Variants in PCNX2 observed in about 807,000 individuals in gnomAD.
PCNX2 encodes the protein pecanex 2, also known as pecanex-like protein 2.
In PCNX2, 168 loss-of-function variants were observed where a neutral mutation model predicts 223.8. That is an observed-to-expected ratio of 0.75 (90% CI 0.66 to 0.85). PCNX2 has a LOEUF of 0.85. Ranked by LOEUF, PCNX2 falls within the 40% of genes least tolerant of loss-of-function variation. The pLI is 0.00. For missense variants in PCNX2, 2,507 were observed against 2,675.5 expected, an observed-to-expected ratio of 0.94 and a Z score of 1.39; for synonymous variants, 1,006 against 1,052.6, an observed-to-expected ratio of 0.96 and a Z score of 0.86.
At chr1:233,161,989 T>C (rs1186865318) in intron 17 of PCNX2, among the ~76,000 whole-genome samples, 4 of 148,388 alleles carry the variant, frequency 2.7e-5, no homozygotes, top group Admixed American at 6.8e-5. Context: ...TATATACATA[T>C]ATTTATATAT....
Position 233,179,049 on chromosome 1 carries a change from A to T in PCNX2, c.3176+17T>A. 1 of 1,602,268 alleles carries T rather than the reference A, an allele frequency of 6.2e-7. No individual in the cohort carries two copies. Among genetic ancestry groups the T allele is most frequent in the Non-Finnish European group, 8.5e-7 (1 of 1,170,756 alleles). ...CCCCAGCTCAGTGATGAGAGAGCACAGGCATAGACCACTCACATGAGTACA... is the reference window on the plus strand; with the variant it reads ...CCCCAGCTCAGTGATGAGAGAGCACTGGCATAGACCACTCACATGAGTACA... On this transcript the variant is annotated intron_variant, in intron 16 of 33. Coordinates refer to ENST00000258229, the MANE Select transcript of PCNX2 (RefSeq NM_014801.4).
At chr1:233,210,613 T>G (rs571955595) in intron 12 of PCNX2, 5 of 985,274 alleles carry the variant, frequency 5.1e-6, no homozygotes, top group Non-Finnish European at 4.8e-6. Context: ...TGAGAACACC[T>G]GTTAATAAAA....
At chr1:233,144,970 CTT>C (rs71173253) in intron 19 of PCNX2, among the ~76,000 whole-genome samples, 21,670 of 113,522 alleles carry the variant, frequency 0.19, 1,761 homozygotes, top group East Asian at 0.32. Flanking sequence ...TTTTTTGTTT[CTT>C]TTTTTTTTTT....
chr1:233,040,882 T>A (rs1671621894), intron 25 of PCNX2, among the ~76,000 whole-genome samples: 1 of 152,204 alleles, frequency 6.6e-6, no homozygotes, highest in South Asian at 2.1e-4. Context: ...TTGCTTTCCC[T>A]CTAAAGATAT....
intron 9 of PCNX2, among the ~76,000 whole-genome samples, chr1:233,235,119 A>G (rs1017084083): frequency 3.3e-5 from 5 of 152,120 alleles, no homozygotes; most frequent in African/African-American, 1.2e-4. Context: ...CCACAGGTTT[A>G]GGAATCCTAT....
the PCNX2 span, among the ~76,000 whole-genome samples, chr1:233,303,435 A>C: frequency 6.6e-6 from 1 of 152,134 alleles, no homozygotes; most frequent in Non-Finnish European, 1.5e-5. Context: ...AGATCCTTTG[A>C]GCAGGAGAGG....
At chr1:233,178,996 T>G in intron 16 of PCNX2, 70 bp downstream of exon 16, 1 of 1,376,554 alleles carries the variant, frequency 7.3e-7, no homozygotes, top group Non-Finnish European at 1.0e-6. Context: ...CCCATCTCAG[T>G]CAGGGCACAA....
intron 8 of PCNX2, among the ~76,000 whole-genome samples, chr1:233,247,293 C>T (rs1395370015): frequency 6.6e-6 from 1 of 152,148 alleles, no homozygotes; most frequent in Non-Finnish European, 1.5e-5. Context: ...GTCCTGTGAC[C>T]AAATGGGCTG....
At chr1:233,254,615 A>C (rs1159365310) in intron 5 of PCNX2, among the ~76,000 whole-genome samples, 1 of 152,148 alleles carries the variant, frequency 6.6e-6, no homozygotes, top group African/African-American at 2.4e-5. Context: ...AAAAACTTTG[A>C]ATCACTCTTA....
At chr1:233,184,697 C>A (rs190972547) in intron 15 of PCNX2, among the ~76,000 whole-genome samples, 2 of 152,198 alleles carry the variant, frequency 1.3e-5, no homozygotes, top group East Asian at 1.9e-4. Context: ...CATATGATTT[C>A]TTTTAAGGAT....
At chr1:233,064,692 G>A (rs1379570527) in intron 23 of PCNX2, among the ~76,000 whole-genome samples, 2 of 151,896 alleles carry the variant, frequency 1.3e-5, no homozygotes, top group African/African-American at 4.8e-5. Context: ...CTAGCCCTTG[G>A]GAATTTTCCA....
intron 15 of PCNX2, among the ~76,000 whole-genome samples, chr1:233,179,880 G>C (rs1206720336): frequency 6.6e-6 from 1 of 152,168 alleles, no homozygotes; most frequent in Non-Finnish European, 1.5e-5. Flanking sequence ...CTTCTTCTTT[G>C]TTCTCCCTTG....
chr1:233,078,123 A>C (rs542464645), intron 23 of PCNX2, among the ~76,000 whole-genome samples: 1 of 152,358 alleles, frequency 6.6e-6, no homozygotes, highest in East Asian at 1.9e-4. Context: ...AAGATTAAAC[A>C]AGCACATGGC....
intron 21 of PCNX2, among the ~76,000 whole-genome samples, chr1:233,124,301 GTTAGT>G (rs764413230): frequency 6.6e-4 from 100 of 152,244 alleles, no homozygotes; most frequent in Non-Finnish European, 1.2e-3. Context: ...TATTATGGGG[GTTAGT>G]CTTATCCAGC....
intron 8 of PCNX2, among the ~76,000 whole-genome samples, chr1:233,244,167 A>G (rs538158012): frequency 1.5e-4 from 23 of 152,348 alleles, no homozygotes; most frequent in African/African-American, 5.5e-4. Context: ...AATTAATTAC[A>G]GAAGTATTAT....
At chr1:233,044,090 G>T in intron 25 of PCNX2, among the ~76,000 whole-genome samples, 1 of 151,672 alleles carries the variant, frequency 6.6e-6, no homozygotes, top group African/African-American at 2.4e-5. Flanking sequence ...ACTTTTTAAT[G>T]ATTGCCATTC....
In PCNX2 at chr1:233,295,208, G is replaced by A. The variant is rs1662007615; in HGVS notation, c.153+118C>T. The A allele has an allele frequency of 1.4e-6, 2 of 1,397,342 alleles. No individual in the cohort carries two copies. Among genetic ancestry groups the A allele is most frequent in the South Asian group, 2.7e-5 (2 of 74,774 alleles). The allele number at this position is 1,397,342 out of a possible 1,614,324, so 86.6% of individuals were successfully genotyped here. A position where few individuals can be genotyped will look rare whatever the true frequency, so the allele number is the denominator to read the frequency against. Reference sequence around the variant, plus strand: ...AAATTTCTGAAGCCCCTCCCTTTCCGTCTCTTAAGAATCTCTACGAACCCG... The same window carrying A: ...AAATTTCTGAAGCCCCTCCCTTTCCATCTCTTAAGAATCTCTACGAACCCG... On this transcript the variant is annotated intron_variant, in intron 1 of 33. Transcript: ENST00000258229. This position sits in a 1 kb window ranked among gnomAD's most constrained non-coding sequence, Gnocchi z 4.1.
chr1:233,206,955 G>C (rs1221620765), intron 13 of PCNX2, among the ~76,000 whole-genome samples: 1 of 151,570 alleles, frequency 6.6e-6, no homozygotes, highest in Admixed American at 6.6e-5. Context: ...AGGTTGCTGT[G>C]AGCCAAGATT....
intron 18 of PCNX2, among the ~76,000 whole-genome samples, chr1:233,161,040 A>G (rs779772489): frequency 6.6e-6 from 1 of 152,180 alleles, no homozygotes; most frequent in Non-Finnish European, 1.5e-5. Flanking sequence ...AGCTCCCCAG[A>G]TGCAGGAAAG....
Sources: gnomAD v4.1 joint callset for allele counts (sites outside exome capture counted in the v4.1 genomes callset) on GRCh38, gnomAD v4.1.1 for gene constraint, Gnocchi (gnomAD v3.1) non-coding constraint, MANE v1.5 for transcripts, NCBI Gene and HGNC (gene_info 2026-07-23, HGNC 2026-07-21) for gene names.